The following CREBBP variants were observed in gnomAD, a reference collection of about 807,000 sequenced individuals.
CREBBP encodes the protein CREB-binding protein.
A neutral mutation model predicts 265.0 loss-of-function variants in CREBBP; 19 were observed. That is an observed-to-expected ratio of 0.07 (90% CI 0.05 to 0.11). CREBBP has a LOEUF of 0.11. CREBBP is among the 10% of genes least tolerant of loss of function. The probability of loss-of-function intolerance (pLI) is 1.00; values close to 1 mark genes in which losing one functional copy is unlikely to be tolerated. For missense variants in CREBBP, 2,525 were observed against 3,219.0 expected, an observed-to-expected ratio of 0.78 and a Z score of 5.22; for synonymous variants, 1,457 against 1,223.7, an observed-to-expected ratio of 1.19 and a Z score of -3.98.
At chr16:3,799,264 A>G (rs917036609) in intron 3 of CREBBP, among the ~76,000 whole-genome samples, 1 of 152,198 alleles carries the variant, frequency 6.6e-6, no homozygotes, top group African/African-American at 2.4e-5. Context: ...TACACAATAT[A>G]CTAAATACCA....
At chr16:3,804,488 T>C (rs1358910702) in intron 3 of CREBBP, among the ~76,000 whole-genome samples, 4 of 152,174 alleles carry the variant, frequency 2.6e-5, no homozygotes, top group Admixed American at 2.0e-4. Context: ...TTAGGGTGAT[T>C]TGGGCTGTGC....
intron 10 of CREBBP, 166 bp from the exon 11 acceptor site, chr16:3,777,823 C>G: frequency 9.3e-7 from 1 of 1,075,108 alleles, no homozygotes; most frequent in Non-Finnish European, 1.4e-6. Flanking sequence ...TGTAAAGGGC[C>G]TTCCCAAGAG....
intron 10 of CREBBP, 139 bp from the exon 11 acceptor site, chr16:3,777,796 C>T: frequency 9.0e-7 from 1 of 1,115,538 alleles, no homozygotes. Flanking sequence ...CACGTGTGTT[C>T]CAATGCCAGC....
At chr16:3,736,305 G>A (rs2052057675) in intron 27 of CREBBP, 102 bp from the exon 28 acceptor site, 3 of 1,251,654 alleles carry the variant, frequency 2.4e-6, no homozygotes, top group Middle Eastern at 4.2e-4. Flanking sequence ...CCATGGTGTG[G>A]CAGAGTCCCA....
At chr16:3,813,008 G>A (rs1036615301) in intron 2 of CREBBP, 4 of 222,338 alleles carry the variant, frequency 1.8e-5, no homozygotes, top group South Asian at 3.7e-4. Flanking sequence ...CAAACTCCTC[G>A]CCTGTAAGAT....
chr16:3,766,921 G>A (rs2052867750), intron 16 of CREBBP, among the ~76,000 whole-genome samples: 1 of 152,112 alleles, frequency 6.6e-6, no homozygotes, highest in East Asian at 1.9e-4. Context: ...AAAGAGCCCT[G>A]AGATTCACTG....
chr16:3,733,338 G>A (rs2051966778), intron 28 of CREBBP, among the ~76,000 whole-genome samples: 3 of 148,332 alleles, frequency 2.0e-5, no homozygotes, highest in Admixed American at 2.0e-4. Flanking sequence ...CTCCAGCCTG[G>A]GCGACAGAGC....
intron 3 of CREBBP, among the ~76,000 whole-genome samples, chr16:3,796,756 T>C (rs2053616312): frequency 6.6e-6 from 1 of 152,204 alleles, no homozygotes; most frequent in Non-Finnish European, 1.5e-5. Flanking sequence ...GGTTGGAAAC[T>C]ATATGGCAAA....
In CREBBP at chr16:3,797,633, T is replaced by C. The variant is rs1473339252; in HGVS notation, c.976-4007A>G. Reference sequence around the variant, plus strand: ...TCTCTCTCTAAACACCTTATTGTACTGCACTCACTTATTTTGTGATTGCTG... The same window carrying C: ...TCTCTCTCTAAACACCTTATTGTACCGCACTCACTTATTTTGTGATTGCTG... On this transcript the variant is annotated intron_variant, in intron 3 of 30. Transcript: ENST00000262367. Among the ~76,000 whole-genome samples the C allele has an allele frequency of 3.3e-5, 5 of 152,146 alleles. No individual in the cohort carries two copies. In the East Asian group the frequency reaches 7.7e-4, roughly 23 times the overall value.
At chr16:3,762,607 C>T (rs2052748823) in intron 16 of CREBBP, among the ~76,000 whole-genome samples, 2 of 152,240 alleles carry the variant, frequency 1.3e-5, no homozygotes, top group South Asian at 2.1e-4. Flanking sequence ...AGGACCTGCT[C>T]CACGCGGCAG....
intron 1 of CREBBP, among the ~76,000 whole-genome samples, chr16:3,872,489 T>A (rs756646604): frequency 6.6e-6 from 1 of 152,166 alleles, no homozygotes; most frequent in African/African-American, 2.4e-5. Flanking sequence ...CTTACACTTC[T>A]GCATCAAAGA....
chr16:3,769,603 C>G (rs2052949179), intron 14 of CREBBP, among the ~76,000 whole-genome samples: 1 of 152,184 alleles, frequency 6.6e-6, no homozygotes, highest in Non-Finnish European at 1.5e-5. Context: ...CAAACTTTGA[C>G]ATAAATTTAT....
intron 16 of CREBBP, among the ~76,000 whole-genome samples, chr16:3,763,199 T>C (rs948945427): frequency 2.0e-5 from 3 of 151,756 alleles, no homozygotes; most frequent in Non-Finnish European, 4.4e-5. Context: ...CGAGGTCTTC[T>C]GGAGTGCAGT....
At chr16:3,815,530 C>CA (rs1031380875) in intron 2 of CREBBP, among the ~76,000 whole-genome samples, 3,659 of 50,492 alleles carry the variant, frequency 0.072, 122 homozygotes, top group African/African-American at 0.11. Context: ...GACTCCATCT[C>CA]AAAAAAAAAA....
intron 23 of CREBBP, chr16:3,742,108 C>A (rs1277215054): frequency 6.7e-6 from 1 of 150,286 alleles, no homozygotes. Context: ...AAAAAAAAAA[C>A]AAAAAAACCC....
intron 11 of CREBBP, among the ~76,000 whole-genome samples, chr16:3,775,286 G>A (rs564716062): frequency 1.6e-4 from 25 of 152,258 alleles, no homozygotes; most frequent in Admixed American, 5.9e-4. Flanking sequence ...AGGGTCAGCC[G>A]TCCTCAACCT....
At position 3,725,912 on chromosome 16, in the gene CREBBP, T is replaced by TA; in HGVS notation, c.*1805dup. On this transcript the variant is annotated 3_prime_UTR_variant, in exon 31 of 31. Coordinates refer to ENST00000262367, the MANE Select transcript of CREBBP (RefSeq NM_004380.3). Reference sequence around the variant, plus strand: ...CTCTGGGTGCTGGGGGTGGTAGACTTAGGGGATGAACTTCAGCTCCCCTGC... The same window carrying TA: ...CTCTGGGTGCTGGGGGTGGTAGACTTAAGGGGATGAACTTCAGCTCCCCTGC... 4.3e-6 allele frequency: 1 copy of TA among 232,914 alleles called. No homozygotes were observed. Among genetic ancestry groups the TA allele is most frequent in the Admixed American group, 5.6e-5 (1 of 17,774 alleles). 14.4% of individuals were successfully genotyped at this position (232,914 alleles called of 1,614,324 possible).
At position 3,770,797 on chromosome 16, in the gene CREBBP, G is replaced by A. The variant is rs756563219; in HGVS notation, c.2653C>T (p.Pro885Ser). The A allele has an allele frequency of 1.2e-6, 2 of 1,614,110 alleles. No individual in the cohort carries two copies. Among genetic ancestry groups the A allele is most frequent in the South Asian group, 1.1e-5 (1 of 91,070 alleles). The change falls in exon 14 of 31, where the codon CCC (proline) becomes TCC (serine). Residue 885 changes from proline (P) to serine (S), a missense_variant. By Grantham distance (74) the Pro-to-Ser change is moderately conservative. This residue lies in a region of CREBBP where 548 missense variants were observed against 533.0 expected (regional missense o/e 1.03). Transcript: ENST00000262367. Reference protein sequence around the residue: ...PGMTPPQPAAPTQPSTPVSSS... With the variant: ...PGMTPPQPAASTQPSTPVSSS... ...GACACAGGAGTTGATGGCTGAGTGGGAGCTGCTGGCTGGGGAGGAGTCATC... is the reference window on the plus strand; with the variant it reads ...GACACAGGAGTTGATGGCTGAGTGGAAGCTGCTGGCTGGGGAGGAGTCATC...
rs774192478 is a variant in CREBBP, at chr16:3,879,851, G to A, written c.66C>T (p.Phe22=). 8 of 1,611,532 alleles carry A rather than the reference G, an allele frequency of 5.0e-6. No individual in the cohort carries two copies. The highest frequency in any genetic ancestry group is 3.3e-5 in the South Asian group (3 of 90,388). Residue 22 remains phenylalanine, a synonymous_variant, in exon 1 of 31, where the codon TTC becomes TTT. Transcript: ENST00000262367. ...CCTCACCTGTGCTGTCATTCGCCGA[G>A]AAACCGGGCGAGCTGAGTTTGGCTC... ...PKRAKLSSPG[F]SANDSTDFGS...
Sources: gnomAD v4.1 joint callset for allele counts (sites outside exome capture counted in the v4.1 genomes callset) on GRCh38, gnomAD v4.1.1 for gene constraint, gnomAD v4.1.1 regional missense constraint, MANE v1.5 for transcripts, NCBI Gene and HGNC (gene_info 2026-07-23, HGNC 2026-07-21) for gene names.